Variants in ATP8B4 observed in about 807,000 individuals in gnomAD.
The protein encoded by ATP8B4 is ATPase phospholipid transporting 8B4 (putative), also known as probable phospholipid-transporting ATPase IM.
ATP8B4 carries 133 observed loss-of-function variants against 145.6 expected under a neutral mutation model. That is an observed-to-expected ratio of 0.91 (90% CI 0.79 to 1.05). The LOEUF is 1.05. ATP8B4 is among the 50% of genes least tolerant of loss of function. The probability of loss-of-function intolerance (pLI) is 0.00; values close to 1 mark genes in which losing one functional copy is unlikely to be tolerated. For synonymous variants in ATP8B4, 507 were observed against 492.9 expected, an observed-to-expected ratio of 1.03 and a Z score of -0.38; for missense variants, 1,458 against 1,425.2, an observed-to-expected ratio of 1.02 and a Z score of -0.37.
intron 6 of ATP8B4, among the ~76,000 whole-genome samples, chr15:50,012,575 G>A (rs1246508830): frequency 1.3e-5 from 2 of 152,124 alleles, no homozygotes; most frequent in Non-Finnish European, 2.9e-5. Context: ...CAGGTTTGTG[G>A]ACAGAACCCT....
At chr15:50,049,011 G>C (rs1220494690) in intron 3 of ATP8B4, among the ~76,000 whole-genome samples, 1 of 152,168 alleles carries the variant, frequency 6.6e-6, no homozygotes, top group Non-Finnish European at 1.5e-5. Flanking sequence ...GTGGAGACTT[G>C]AGACAGGGGC....
chr15:50,168,174 C>G (rs1248287973), intron 1 of ATP8B4, among the ~76,000 whole-genome samples: 1 of 152,124 alleles, frequency 6.6e-6, no homozygotes, highest in Non-Finnish European at 1.5e-5. Flanking sequence ...CCAACACATT[C>G]GGGAATGAAG....
At position 49,983,546 on chromosome 15, in the gene ATP8B4, T is replaced by TCCCTGTATCCA. The variant is rs2046336305; in HGVS notation, c.749-2263_749-2253dup. On this transcript the variant is annotated intron_variant, in intron 10 of 27. Coordinates refer to ENST00000284509, the MANE Select transcript of ATP8B4 (RefSeq NM_024837.4). Reference sequence around the variant, plus strand: ...ACTGTGAAAACCTAGAAACTTTGTCTCCCTGTATCCACTCTGCCCCCAAAA... The same window carrying TCCCTGTATCCA: ...ACTGTGAAAACCTAGAAACTTTGTCTCCCTGTATCCACCCTGTATCCACTCTGCCCCCAAAA... Among the ~76,000 whole-genome samples the TCCCTGTATCCA allele has an allele frequency of 2.0e-5, 3 of 152,160 alleles. No homozygotes were observed. In the South Asian group the frequency reaches 6.2e-4, roughly 31 times the overall value.
intron 21 of ATP8B4, among the ~76,000 whole-genome samples, chr15:49,899,703 C>T (rs1327450825): frequency 6.6e-6 from 1 of 151,508 alleles, no homozygotes; most frequent in Non-Finnish European, 1.5e-5. Context: ...AAAACAAAGG[C>T]CAAATTACAT....
chr15:49,868,702 A>T (rs1424522346), intron 25 of ATP8B4, among the ~76,000 whole-genome samples: 1 of 152,228 alleles, frequency 6.6e-6, no homozygotes, highest in Non-Finnish European at 1.5e-5. Flanking sequence ...GGTAAGTAAG[A>T]TAAAAACATT....
At chr15:49,993,706 C>T (rs2047209221) in intron 9 of ATP8B4, among the ~76,000 whole-genome samples, 2 of 152,050 alleles carry the variant, frequency 1.3e-5, no homozygotes, top group African/African-American at 4.8e-5. Flanking sequence ...CATAAAACTC[C>T]CTGTTGCCTT....
chr15:49,938,989 A>G (rs1409216408), intron 14 of ATP8B4, among the ~76,000 whole-genome samples: 1 of 152,040 alleles, frequency 6.6e-6, no homozygotes, highest in Non-Finnish European at 1.5e-5. Context: ...TAAATTAAAC[A>G]CTCCTGAATG....
chr15:50,179,903 TA>T (rs2044819201), intron 1 of ATP8B4, among the ~76,000 whole-genome samples: 3 of 152,196 alleles, frequency 2.0e-5, no homozygotes, highest in Non-Finnish European at 2.9e-5. Flanking sequence ...AGACATCTAT[TA>T]ACCTCGTGAT....
At chr15:50,152,275 A>C (rs1191840225) in intron 1 of ATP8B4, among the ~76,000 whole-genome samples, 1 of 152,208 alleles carries the variant, frequency 6.6e-6, no homozygotes, top group Non-Finnish European at 1.5e-5. Flanking sequence ...AAAAACTTAG[A>C]ATACCTGTGT....
chr15:49,920,497 T>G, intron 17 of ATP8B4, 87 bp from the exon 18 acceptor site: 1 of 1,388,700 alleles, frequency 7.2e-7, no homozygotes, highest in Non-Finnish European at 9.6e-7. Context: ...TGAGAAATTT[T>G]TCACTCAAAT....
intron 3 of ATP8B4, among the ~76,000 whole-genome samples, chr15:50,073,813 T>A (rs933447309): frequency 1.3e-5 from 2 of 152,196 alleles, no homozygotes; most frequent in Non-Finnish European, 2.9e-5. Flanking sequence ...ACCAAAAAGG[T>A]CCATTTTCAT....
chr15:50,047,601 A>T, intron 3 of ATP8B4, 137 bp from the exon 4 acceptor site: 1 of 638,308 alleles, frequency 1.6e-6, no homozygotes, highest in Non-Finnish European at 2.8e-6. Context: ...TGTGTGGCTC[A>T]AGGCCTTCAT....
rs773704743 is a variant in ATP8B4 at position 50,038,853 on chromosome 15, G to C, written c.301-24C>G. 1.9e-6 allele frequency: 3 copies of C among 1,598,884 alleles called. No individual in the cohort carries two copies. The South Asian group carries it at 3.3e-5, about 18-fold the overall frequency. ...AACTGAAAAATCAAAGTGTTTGTGA[G>C]AAAACACATTACAAGGTACTTTGTC... is the stretch of plus-strand genomic sequence containing the variant. On this transcript the variant is annotated intron_variant, in intron 5 of 27. Coordinates refer to ENST00000284509, the MANE Select transcript of ATP8B4 (RefSeq NM_024837.4).
intron 2 of ATP8B4, among the ~76,000 whole-genome samples, chr15:50,077,578 G>A (rs1299280978): frequency 6.6e-6 from 1 of 152,188 alleles, no homozygotes; most frequent in East Asian, 1.9e-4. Flanking sequence ...TATGGACAGG[G>A]TGACAGGCCC....
intron 1 of ATP8B4, among the ~76,000 whole-genome samples, chr15:50,142,790 T>C (rs2044229474): frequency 6.6e-6 from 1 of 152,148 alleles, no homozygotes; most frequent in African/African-American, 2.4e-5. Context: ...AATACCCCCA[T>C]GCAATCCTCC....
chr15:50,103,676 C>T (rs1192377872), intron 2 of ATP8B4, among the ~76,000 whole-genome samples: 1 of 152,070 alleles, frequency 6.6e-6, no homozygotes, highest in African/African-American at 2.4e-5. Flanking sequence ...TCTACAAATT[C>T]AATGCAATTC....
chr15:49,898,072 A>T lies in ATP8B4; in HGVS notation c.2469T>A (p.Ile823=). 1 of 1,613,700 alleles carries T rather than the reference A, an allele frequency of 6.2e-7. No homozygotes were observed. Among genetic ancestry groups the T allele is most frequent in the Non-Finnish European group, 8.5e-7 (1 of 1,179,732 alleles). Residue 823 remains isoleucine (I), a synonymous_variant, in exon 22 of 28, where the codon ATT becomes ATA. Transcript: ENST00000284509. ...IGDGANDVSM[I]KSAHIGVGIS... is the part of the protein sequence containing the mutation. ...ATTGAGCAAATATCCTCTTACTTTT[A>T]ATCATGCTGACATCATTGGCTCCAT...
intron 2 of ATP8B4, among the ~76,000 whole-genome samples, chr15:50,085,868 CAT>C (rs201829458): frequency 2.5e-4 from 10 of 39,436 alleles, no homozygotes; most frequent in Non-Finnish European, 3.6e-4. Context: ...ATAAACGTAT[CAT>C]ATATATTTAT....
rs564751473 is a variant in ATP8B4, at chr15:50,147,938, C to T, written c.-43+34323G>A. Among the ~76,000 whole-genome samples, 41 of 152,182 alleles carry T rather than the reference C, an allele frequency of 2.7e-4. 1 individual carries two copies. The highest frequency in any genetic ancestry group is 1.6e-4 in the Non-Finnish European group (11 of 68,038). On this transcript the variant is annotated intron_variant, in intron 1 of 3. Transcript: ENST00000558829. ...ATTGGGGCGTAAAAGAATATTTATACAATCTAAAAGTATAACTCCATGCAA... is the reference window on the plus strand; with the variant it reads ...ATTGGGGCGTAAAAGAATATTTATATAATCTAAAAGTATAACTCCATGCAA...
Sources: allele counts gnomAD v4.1 joint callset (sites outside exome capture counted in the v4.1 genomes callset), GRCh38; gene constraint gnomAD v4.1.1; transcripts MANE v1.5; gene names NCBI Gene and HGNC (gene_info 2026-07-23, HGNC 2026-07-21).